The following AREL1 variants were observed in gnomAD, a reference collection of about 807,000 sequenced individuals.
AREL1 encodes apoptosis resistant E3 ubiquitin protein ligase 1, also known as apoptosis-resistant E3 ubiquitin protein ligase 1.
A neutral mutation model predicts 99.0 loss-of-function variants in AREL1; 62 were observed. The ratio of observed to expected loss-of-function variants is 0.63; its 90% CI spans 0.51 to 0.77. The LOEUF (loss-of-function observed/expected upper bound fraction) is 0.77, where lower values mean the gene tolerates loss of function less well. Among genes scored for constraint, AREL1 ranks in the 30% least tolerant of loss-of-function variants. The pLI, the probability that AREL1 is intolerant of heterozygous loss-of-function variation, is 0.00. For missense variants in AREL1, 879 were observed against 1,027.6 expected (o/e 0.86, Z 1.98); for synonymous variants, 380 against 376.5 (o/e 1.01, Z -0.11).
chr14:74,661,604 AG>A lies in AREL1; in HGVS notation c.*2115del. On this transcript the variant is annotated 3_prime_UTR_variant, in exon 20 of 20. Coordinates refer to ENST00000356357, the MANE Select transcript of AREL1 (RefSeq NM_001039479.2). Reference sequence around the variant, plus strand: ...CACTGGCTAGTATGAAAGCAGGATTAGAAAAAAAAAAAACAAAACAGTAAAA... The same window carrying A: ...CACTGGCTAGTATGAAAGCAGGATTAAAAAAAAAAAAACAAAACAGTAAAA... The A allele has an allele frequency of 3.1e-5, 5 of 163,022 alleles. No homozygotes were observed. The highest frequency in any genetic ancestry group is 2.8e-4 in the South Asian group (3 of 10,584). 10.1% of individuals were successfully genotyped at this position (163,022 alleles called of 1,614,324 possible). A position where few individuals can be genotyped will look rare whatever the true frequency, so the allele number is the denominator to read the frequency against.
chr14:74,685,736 T>G, intron 2 of AREL1, 76 bp from the exon 3 acceptor site: 1 of 1,335,432 alleles, frequency 7.5e-7, no homozygotes, highest in Non-Finnish European at 1.1e-6. Context: ...CAAAGAAGAG[T>G]GTATGGCGTG....
intron 1 of AREL1, among the ~76,000 whole-genome samples, chr14:74,695,617 G>C (rs1411893679): frequency 6.6e-6 from 1 of 152,102 alleles, no homozygotes; most frequent in Non-Finnish European, 1.5e-5. Flanking sequence ...ACACCAGATA[G>C]AATCAGCCAC....
chr14:74,693,588 C>T (rs2089926348), intron 1 of AREL1, among the ~76,000 whole-genome samples: 1 of 152,170 alleles, frequency 6.6e-6, no homozygotes, highest in South Asian at 2.1e-4. Flanking sequence ...ACAATTATCC[C>T]TATTTTAACA....
chr14:74,669,462 A>C (rs2089281192), intron 15 of AREL1, among the ~76,000 whole-genome samples, 187 bp downstream of exon 15: 2 of 152,234 alleles, frequency 1.3e-5, no homozygotes, highest in African/African-American at 4.8e-5. Flanking sequence ...CTGCTAGCCA[A>C]GTGTAGTTAT....
At chr14:74,668,240 C>T (rs1398432581) in intron 15 of AREL1, among the ~76,000 whole-genome samples, 1 of 152,168 alleles carries the variant, frequency 6.6e-6, no homozygotes, top group African/African-American at 2.4e-5. Context: ...ATTGGTATCC[C>T]CCAATAAACT....
chr14:74,664,830 ATTTAC>A lies in AREL1; in HGVS notation c.2193+1_2193+5del. 6.2e-7 allele frequency: 1 copy of A among 1,612,478 alleles called. No homozygotes were observed. Among genetic ancestry groups the A allele is most frequent in the Non-Finnish European group, 8.5e-7 (1 of 1,179,056 alleles). Reference sequence around the variant, plus strand: ...AATCCAACTGAAAGAAGTTTGGTCCATTTACCTTTTCTCTGAAATGCCATGAGCCA... The same window carrying A: ...AATCCAACTGAAAGAAGTTTGGTCCACTTTTCTCTGAAATGCCATGAGCCA... On this transcript the variant is annotated splice_donor_variant and splice_donor_5th_base_variant and intron_variant, in intron 18 of 19. Transcript: ENST00000356357. LOFTEE classifies it high-confidence loss of function.
At chr14:74,699,122 A>G (rs4899530) in intron 1 of AREL1, among the ~76,000 whole-genome samples, 48,316 of 152,036 alleles carry the variant, frequency 0.32, 9,111 homozygotes, top group African/African-American at 0.53. Context: ...AATGATCTTA[A>G]ACAAGTTACA....
chr14:74,704,907 G>A (rs905501224), intron 1 of AREL1, among the ~76,000 whole-genome samples: 6 of 152,014 alleles, frequency 3.9e-5, no homozygotes, highest in East Asian at 1.9e-4. Flanking sequence ...AAATCCTCTC[G>A]TCAAATTTTT....
In AREL1 at chr14:74,663,689, C is replaced by A. The variant is rs776480679; in HGVS notation, c.*31G>T. 6.2e-7 allele frequency: 1 copy of A among 1,602,324 alleles called. No individual in the cohort carries two copies. The highest frequency in any genetic ancestry group is 2.2e-5 in the East Asian group (1 of 44,846). ...ACTTGCGCCCAGAAGCTCCAGAGAG[C>A]ATGGGAGCCAACTGGATGACAGGAG... On this transcript the variant is annotated 3_prime_UTR_variant, in exon 20 of 20. Transcript: ENST00000356357.
chr14:74,704,564 C>T (rs1177036265), intron 1 of AREL1, among the ~76,000 whole-genome samples: 2 of 152,040 alleles, frequency 1.3e-5, no homozygotes, highest in African/African-American at 4.8e-5. Flanking sequence ...CAGAATGAGA[C>T]ACAGATTTGC....
intron 1 of AREL1, among the ~76,000 whole-genome samples, chr14:74,698,015 C>T (rs1173487289): frequency 6.6e-6 from 1 of 152,074 alleles, no homozygotes; most frequent in Non-Finnish European, 1.5e-5. Flanking sequence ...CATGTTAAAT[C>T]AAACTCATAG....
chr14:74,666,332 A>C lies in AREL1; in HGVS notation c.2103+987T>G, dbSNP rs1048038729. Among the ~76,000 whole-genome samples the C allele has an allele frequency of 2.6e-5, 4 of 152,246 alleles. No individual in the cohort carries two copies. In the East Asian group the frequency reaches 7.7e-4, roughly 29 times the overall value. ...TTGTACTGATGTCTCATCTGTGAGC[A>C]ACAGGCCACAACAAATTGATGTTAT... On this transcript the variant is annotated intron_variant, in intron 17 of 19. Transcript: ENST00000356357.
Position 74,712,981 on chromosome 14 carries a change from G to T in AREL1, c.-382C>A, listed in dbSNP as rs1566711276. The T allele has an allele frequency of 9.2e-6, 7 of 761,102 alleles. No individual in the cohort carries two copies. Among genetic ancestry groups the T allele is most frequent in the Non-Finnish European group, 1.6e-5 (7 of 433,150 alleles). 47.1% of individuals were successfully genotyped at this position (761,102 alleles called of 1,614,324 possible). ...CGAAGTTCCACCTCCGCTGTCCTGG[G>T]AAGGGGCGGCAGCACTCAGCAGAAG... On this transcript the variant is annotated 5_prime_UTR_variant, in exon 1 of 20. Coordinates refer to ENST00000356357, the MANE Select transcript of AREL1 (RefSeq NM_001039479.2).
Position 74,672,819 on chromosome 14 carries a change from A to T in AREL1, c.1422+12T>A. ...CTTTGGTATCTGCTGACAGAGATGA[A>T]ATTTTACCTACCGATTCCAACAAGG... On this transcript the variant is annotated intron_variant, in intron 11 of 19. Transcript: ENST00000356357. The T allele has an allele frequency of 1.9e-6, 3 of 1,614,066 alleles. No homozygotes were observed. Among genetic ancestry groups the T allele is most frequent in the Non-Finnish European group, 2.5e-6 (3 of 1,179,986 alleles).
intron 5 of AREL1, among the ~76,000 whole-genome samples, chr14:74,676,958 A>G (rs915279895): frequency 4.0e-5 from 6 of 151,794 alleles, no homozygotes; most frequent in African/African-American, 1.2e-4. Context: ...CACCATGCCC[A>G]GAGAATTTTT....
At chr14:74,672,461 G>A (rs2089370949) in intron 11 of AREL1, among the ~76,000 whole-genome samples, 1 of 152,156 alleles carries the variant, frequency 6.6e-6, no homozygotes, top group African/African-American at 2.4e-5. Context: ...ACCAGATCAG[G>A]CATGGTAGCT....
Position 74,684,711 on chromosome 14 carries a change from T to C in AREL1, c.17-31A>G, listed in dbSNP as rs527892921. 22 of 1,595,062 alleles carry C rather than the reference T, an allele frequency of 1.4e-5. No individual in the cohort carries two copies. The African/African-American group carries it at 2.8e-4, about 20-fold the overall frequency. On this transcript the variant is annotated intron_variant, in intron 3 of 19. Transcript: ENST00000356357. ...CAAAAGAGAGAACACACAAACCGCC[T>C]GCCAGTTACACATTACAGCTTTTCA...
At chr14:74,712,170 C>T (rs1032762219) in intron 1 of AREL1, 1 of 150,440 alleles carries the variant, frequency 6.6e-6, no homozygotes, top group Non-Finnish European at 1.5e-5. Context: ...AAGTCTGGGG[C>T]TCAATTTCCC....
intron 8 of AREL1, among the ~76,000 whole-genome samples, chr14:74,674,585 A>C (rs2089429048): frequency 6.6e-6 from 1 of 152,190 alleles, no homozygotes; most frequent in Admixed American, 6.5e-5. Flanking sequence ...ATGGGTGACA[A>C]AGTGAGACCC....
Sources: gnomAD v4.1 joint callset for allele counts (sites outside exome capture counted in the v4.1 genomes callset) on GRCh38, gnomAD v4.1.1 for gene constraint, MANE v1.5 for transcripts, NCBI Gene and HGNC (gene_info 2026-07-23, HGNC 2026-07-21) for gene names.